Variants in PON2 observed in about 807,000 individuals in gnomAD.
PON2 encodes paraoxonase 2, also known as serum paraoxonase/arylesterase 2.
Under a neutral mutation model 36.6 loss-of-function variants are expected in PON2, and 27 were observed. The observed-to-expected ratio is 0.74, with a 90% CI of 0.54 to 1.02. The LOEUF (loss-of-function observed/expected upper bound fraction) is 1.02, where lower values mean the gene tolerates loss of function less well. Ranked by LOEUF, PON2 falls within the 50% of genes least tolerant of loss-of-function variation. PON2 has a pLI of 0.00. For synonymous variants in PON2, 149 were observed against 156.3 expected (o/e 0.95, Z 0.35); for missense variants, 363 against 421.1 (o/e 0.86, Z 1.21).
chr7:95,434,779 C>T (rs1237802030), intron 1 of PON2, 99 bp downstream of exon 1: 3 of 1,358,164 alleles, frequency 2.2e-6, no homozygotes, highest in East Asian at 5.7e-5. Context: ...AGGGCCAGGT[C>T]CCGCAGGAAT....
At chr7:95,427,681 T>G (rs536218899) in intron 1 of PON2, among the ~76,000 whole-genome samples, 7 of 152,328 alleles carry the variant, frequency 4.6e-5, no homozygotes, top group Admixed American at 3.9e-4. Context: ...AAGCTCTATA[T>G]TGGGTCACCC....
At chr7:95,411,548 C>T (rs1788924193) in intron 5 of PON2, 105 bp downstream of exon 5, 2 of 1,361,870 alleles carry the variant, frequency 1.5e-6, no homozygotes, top group Non-Finnish European at 1.0e-6. Flanking sequence ...TACATATTAG[C>T]TAATATATAC....
intron 2 of PON2, among the ~76,000 whole-genome samples, chr7:95,417,183 G>A (rs1789081666): frequency 6.6e-6 from 1 of 152,106 alleles, no homozygotes; most frequent in Non-Finnish European, 1.5e-5. Context: ...TTATTTCTAG[G>A]TTGTCAAAAC....
intron 8 of PON2, 116 bp downstream of exon 8, chr7:95,406,003 G>C: frequency 1.6e-6 from 2 of 1,228,852 alleles, no homozygotes; most frequent in Non-Finnish European, 2.3e-6. Flanking sequence ...CACGACATAA[G>C]CTTATTATAT....
At chr7:95,412,864 A>G in intron 3 of PON2, 1 of 302,766 alleles carries the variant, frequency 3.3e-6, no homozygotes, top group Non-Finnish European at 6.3e-6. Context: ...CTGATTCAAA[A>G]TATCACCTTT....
At position 95,412,768 on chromosome 7, in the gene PON2, C is replaced by T. The variant is rs1450781494; in HGVS notation, c.202-291G>A. 1.2e-5 allele frequency: 5 copies of T among 431,080 alleles called. No individual in the cohort carries two copies. In the Admixed American group the frequency reaches 1.8e-4, roughly 16 times the overall value. 26.7% of individuals were successfully genotyped at this position (431,080 alleles called of 1,614,324 possible). ...GAGAGCTGAGGGTGGAGAAAAGTGA[C>T]ATCTACATACTGACTGTGGAAATTT... On this transcript the variant is annotated intron_variant, in intron 3 of 8. Transcript: ENST00000222572.
chr7:95,410,618 C>G (rs1788899026), intron 5 of PON2, among the ~76,000 whole-genome samples: 1 of 152,170 alleles, frequency 6.6e-6, no homozygotes, highest in South Asian at 2.1e-4. Context: ...CGAGAATGAA[C>G]AGGCACTCAA....
chr7:95,416,527 G>A, intron 2 of PON2: 3 of 561,122 alleles, frequency 5.3e-6, no homozygotes, highest in Non-Finnish European at 9.5e-6. Flanking sequence ...TCAAAGTCAA[G>A]TTATCACCAC....
chr7:95,416,511 CTCAAA>C, intron 2 of PON2: 1 of 592,722 alleles, frequency 1.7e-6, no homozygotes, highest in Admixed American at 3.0e-5. Flanking sequence ...TTTATGTTTA[CTCAAA>C]TCAAAGTCAA....
At chr7:95,432,609 A>G (rs2299267) in intron 1 of PON2, among the ~76,000 whole-genome samples, 24,661 of 152,108 alleles carry the variant, frequency 0.16, 2,204 homozygotes, top group East Asian at 0.36. Context: ...CTGGTGGCTT[A>G]CACATTAGTG....
chr7:95,433,248 T>C (rs544132715), intron 1 of PON2, among the ~76,000 whole-genome samples: 1 of 151,990 alleles, frequency 6.6e-6, no homozygotes, highest in East Asian at 1.9e-4. Flanking sequence ...AAATTTTGTT[T>C]TTTATTTATT....
In PON2 at chr7:95,407,164, T is replaced by C. The variant is rs2116450803; in HGVS notation, c.696-96A>G. On this transcript the variant is annotated intron_variant, in intron 6 of 8. Coordinates refer to ENST00000222572, the MANE Select transcript of PON2 (RefSeq NM_000305.3). ...TAAGTCTTAATAACCTGCCAAGAAGTTAATCAATCATGGGCCCTCAAGGAA... is the reference window on the plus strand; with the variant it reads ...TAAGTCTTAATAACCTGCCAAGAAGCTAATCAATCATGGGCCCTCAAGGAA... The C allele has an allele frequency of 3.8e-6, 3 of 796,532 alleles. No homozygotes were observed. The East Asian group carries it at 8.0e-5, about 21-fold the overall frequency. 49.3% of individuals were successfully genotyped at this position (796,532 alleles called of 1,614,324 possible). A position where few individuals can be genotyped will look rare whatever the true frequency, so the allele number is the denominator to read the frequency against.
At chr7:95,429,523 TCA>T (rs1006406541) in intron 1 of PON2, among the ~76,000 whole-genome samples, 31 of 152,286 alleles carry the variant, frequency 2.0e-4, no homozygotes, top group African/African-American at 7.0e-4. Flanking sequence ...GAAATCAATC[TCA>T]GTGTCTTTCA....
intron 1 of PON2, among the ~76,000 whole-genome samples, chr7:95,430,760 G>T (rs1789421350): frequency 6.6e-6 from 1 of 150,742 alleles, no homozygotes; most frequent in African/African-American, 2.4e-5. Flanking sequence ...AACCTGCCTT[G>T]AAGAAAAAAG....
In PON2 at chr7:95,405,357, G is replaced by C. The variant is rs779465647; in HGVS notation, c.1038C>G (p.Tyr346Ter). 6.2e-7 allele frequency: 1 copy of C among 1,613,896 alleles called. No homozygotes were observed. Among genetic ancestry groups the C allele is most frequent in the East Asian group, 2.2e-5 (1 of 44,858 alleles). Residue 346 changes from tyrosine to a stop codon, truncating the protein, a stop_gained, in exon 9 of 9, where the codon TAC becomes TAG. Transcript: ENST00000222572. LOFTEE classifies it high-confidence loss of function. ...YDGKLLIGTL[Y>*]HRALYCEL is the part of the protein sequence containing the mutation. ...AGAGTTCACAATACAAGGCTCTGTG[G>C]TATAAAGTGCCTATGAGCAGCTTCC...
intron 2 of PON2, among the ~76,000 whole-genome samples, chr7:95,419,411 A>C (rs892447593): frequency 3.9e-5 from 6 of 152,192 alleles, no homozygotes; most frequent in African/African-American, 1.4e-4. Flanking sequence ...AAAAAAACAC[A>C]TGAATGGCAC....
Position 95,405,071 on chromosome 7 carries a change from T to C in PON2, c.*259A>G, listed in dbSNP as rs1809640799. 2 of 414,780 alleles carry C rather than the reference T, an allele frequency of 4.8e-6. No homozygotes were observed. The highest frequency in any genetic ancestry group is 5.2e-5 in the South Asian group (2 of 38,572). The allele number at this position is 414,780 out of a possible 1,614,324, so 25.7% of individuals were successfully genotyped here. Reference sequence around the variant, plus strand: ...GCAGTTGGAAGGCAAAGGTGAGGCTTACTTTGTGCAAAATGTATTCACTTT... The same window carrying C: ...GCAGTTGGAAGGCAAAGGTGAGGCTCACTTTGTGCAAAATGTATTCACTTT... On this transcript the variant is annotated 3_prime_UTR_variant, in exon 9 of 9. Transcript: ENST00000222572.
chr7:95,405,906 A>G (rs917692947), intron 8 of PON2, among the ~76,000 whole-genome samples: 2 of 152,206 alleles, frequency 1.3e-5, no homozygotes, highest in South Asian at 4.1e-4. Flanking sequence ...TTTCCACCAT[A>G]ATTTAATACA....
chr7:95,424,570 G>A lies in PON2; in HGVS notation c.90C>T (p.Ala30=), dbSNP rs1376272389. The stretch of plus-strand genomic sequence containing the variant: ...GGTCTACAGATTCTACTTCTCTGGA[G>A]GCTTTAAGTCGATTTCTGTTACAAA... ...RLLALRNRLK[A]SREVESVDLP... is the part of the protein sequence containing the mutation. Residue 30 remains alanine, a synonymous_variant, in exon 2 of 9, where the codon GCC becomes GCT. Coordinates refer to ENST00000222572, the MANE Select transcript of PON2 (RefSeq NM_000305.3). 1.2e-6 allele frequency: 2 copies of A among 1,612,678 alleles called. No individual in the cohort carries two copies. The highest frequency in any genetic ancestry group is 3.3e-5 in the Admixed American group (2 of 59,962).
Sources: gnomAD v4.1 joint callset for allele counts (sites outside exome capture counted in the v4.1 genomes callset) on GRCh38, gnomAD v4.1.1 for gene constraint, MANE v1.5 for transcripts, NCBI Gene and HGNC (gene_info 2026-07-23, HGNC 2026-07-21) for gene names.